Variants in DHRSX observed in about 807,000 individuals in gnomAD.
DHRSX encodes the protein dehydrogenase/reductase X-linked, also known as polyprenol dehydrogenase.
A neutral mutation model predicts 34.0 loss-of-function variants in DHRSX; 31 were observed. The observed-to-expected ratio is 0.91, with a 90% CI of 0.69 to 1.23. The LOEUF (loss-of-function observed/expected upper bound fraction) is 1.23, where lower values mean the gene tolerates loss of function less well. Among genes scored for constraint, DHRSX ranks in the 50% most tolerant of loss-of-function variants. The pLI is 0.00. For synonymous variants in DHRSX, 201 were observed against 183.8 expected (o/e 1.09, Z -0.76); for missense variants, 414 against 428.1 (o/e 0.97, Z 0.29).
At chrX:2,377,250 A>T (rs970885358) in intron 3 of DHRSX, among the ~76,000 whole-genome samples, 1 of 151,842 alleles carries the variant, frequency 6.6e-6, no homozygotes, top group Admixed American at 6.6e-5. Context: ...TATTTCTATG[A>T]TGATACGTTA....
chrX:2,346,313 A>C (rs2042710983), intron 3 of DHRSX, among the ~76,000 whole-genome samples: 1 of 152,102 alleles, frequency 6.6e-6, no homozygotes, highest in African/African-American at 2.4e-5. Context: ...ACATCCATAA[A>C]AATGCAATGT....
At chrX:2,410,422 C>T (rs915391482) in intron 2 of DHRSX, among the ~76,000 whole-genome samples, 5 of 152,128 alleles carry the variant, frequency 3.3e-5, no homozygotes, top group Admixed American at 1.3e-4. Flanking sequence ...GGGGTGGGGC[C>T]GGTCTATCTC....
intron 4 of DHRSX, among the ~76,000 whole-genome samples, chrX:2,276,131 C>G (rs1220180286): frequency 6.6e-6 from 1 of 152,186 alleles, no homozygotes; most frequent in Admixed American, 6.5e-5. Flanking sequence ...CGTGGGCCAT[C>G]GCGCCCGGCC....
At chrX:2,324,946 GTTTTT>G (rs777086783) in intron 3 of DHRSX, among the ~76,000 whole-genome samples, 6 of 137,898 alleles carry the variant, frequency 4.4e-5, no homozygotes, top group Admixed American at 7.3e-5. Flanking sequence ...TTTTTGTTTT[GTTTTT>G]TTTTTTTTTA....
intron 4 of DHRSX, among the ~76,000 whole-genome samples, chrX:2,275,627 T>C (rs1235475998): frequency 1.3e-5 from 2 of 152,048 alleles, no homozygotes; most frequent in Admixed American, 6.6e-5. Context: ...AAGCCCTTTT[T>C]TGATCCAAAA....
intron 6 of DHRSX, among the ~76,000 whole-genome samples, chrX:2,229,777 G>A (rs961475490): frequency 6.6e-5 from 10 of 152,090 alleles, no homozygotes; most frequent in Non-Finnish European, 1.3e-4. Flanking sequence ...GGGCGCAGAT[G>A]TGCGGGTATG....
At chrX:2,431,251 G>A (rs2043917560) in intron 1 of DHRSX, among the ~76,000 whole-genome samples, 1 of 150,822 alleles carries the variant, frequency 6.6e-6, no homozygotes, top group South Asian at 2.1e-4. Flanking sequence ...CGTGAACCTG[G>A]GAGGTAGAGC....
chrX:2,257,628 TTTTA>T (rs1164382415), intron 5 of DHRSX, among the ~76,000 whole-genome samples: 2 of 152,050 alleles, frequency 1.3e-5, no homozygotes, highest in Non-Finnish European at 1.5e-5. Context: ...GGTCCTTTTA[TTTTA>T]TTTATTTTTT....
chrX:2,425,815 A>G (rs2043838632), intron 1 of DHRSX, among the ~76,000 whole-genome samples: 1 of 152,176 alleles, frequency 6.6e-6, no homozygotes, highest in Admixed American at 6.5e-5. Context: ...ACTCAGGACC[A>G]CACAGGGGCG....
intron 6 of DHRSX, among the ~76,000 whole-genome samples, chrX:2,226,522 C>A (rs2015664426): frequency 6.6e-6 from 1 of 152,136 alleles, no homozygotes; most frequent in Non-Finnish European, 1.5e-5. Flanking sequence ...AAAGAAAACA[C>A]AGGCGCGGTA....
intron 1 of DHRSX, among the ~76,000 whole-genome samples, chrX:2,434,662 C>A (rs7882193): frequency 6.6e-6 from 1 of 152,052 alleles, no homozygotes; most frequent in Admixed American, 6.5e-5. Context: ...CAGAGCAAGA[C>A]GCTGTCTCTT....
At chrX:2,272,042 C>CA (rs1009521528) in intron 4 of DHRSX, among the ~76,000 whole-genome samples, 2 of 151,516 alleles carry the variant, frequency 1.3e-5, no homozygotes, top group Non-Finnish European at 2.9e-5. Context: ...CAAAACGAAA[C>CA]AAAAAAACAT....
At chrX:2,372,393 C>G (rs1201012727) in intron 3 of DHRSX, among the ~76,000 whole-genome samples, 10 of 152,044 alleles carry the variant, frequency 6.6e-5, no homozygotes. Context: ...GTGAGTGTGT[C>G]TATCACACGA....
chrX:2,225,328 G>A (rs758363536), intron 6 of DHRSX, among the ~76,000 whole-genome samples: 10 of 147,996 alleles, frequency 6.8e-5, no homozygotes, highest in East Asian at 2.1e-4. Flanking sequence ...ACACATGCAC[G>A]CACCCTCATT....
intron 1 of DHRSX, among the ~76,000 whole-genome samples, chrX:2,452,336 C>T: frequency 6.6e-6 from 1 of 151,102 alleles, no homozygotes. Context: ...AGGGACGGCA[C>T]TGAAGACGTT....
intron 6 of DHRSX, among the ~76,000 whole-genome samples, chrX:2,229,081 G>A (rs1677319004): frequency 6.6e-6 from 1 of 152,188 alleles, no homozygotes; most frequent in Non-Finnish European, 1.5e-5. Flanking sequence ...TTCTGGAAAT[G>A]TTGCTATTTG....
rs113493731 is a variant in DHRSX at position 2,496,500 on chromosome X, G to A, written c.109+4317C>T. Reference sequence around the variant, plus strand: ...AGGCATGAGCCACCGCACCCGGCCCGCCAATAGAGATTTTAAATGTCTTGC... The same window carrying A: ...AGGCATGAGCCACCGCACCCGGCCCACCAATAGAGATTTTAAATGTCTTGC... On this transcript the variant is annotated intron_variant, in intron 1 of 6. Coordinates refer to ENST00000334651, the MANE Select transcript of DHRSX (RefSeq NM_145177.3). Among the ~76,000 whole-genome samples, 7 of 152,174 alleles carry A rather than the reference G, an allele frequency of 4.6e-5. No homozygotes were observed. The South Asian group carries it at 8.3e-4, about 18-fold the overall frequency.
At chrX:2,493,353 A>G (rs1469520677) in intron 1 of DHRSX, among the ~76,000 whole-genome samples, 2 of 152,064 alleles carry the variant, frequency 1.3e-5, no homozygotes, top group Non-Finnish European at 2.9e-5. Context: ...TGGCTGAAAC[A>G]GGTTTTGGTA....
intron 1 of DHRSX, among the ~76,000 whole-genome samples, chrX:2,462,693 A>T (rs1242653743): frequency 1.3e-5 from 2 of 152,170 alleles, no homozygotes; most frequent in Admixed American, 6.6e-5. Flanking sequence ...ATATTTTGCC[A>T]TGACCAGGAA....
Sources: allele counts gnomAD v4.1 joint callset (sites outside exome capture counted in the v4.1 genomes callset), GRCh38; gene constraint gnomAD v4.1.1; transcripts MANE v1.5; gene names NCBI Gene and HGNC (gene_info 2026-07-23, HGNC 2026-07-21).